CADPS2: variants seen among roughly 807,000 people sequenced by gnomAD.
CADPS2 encodes calcium-dependent secretion activator 2.
In CADPS2, 93 loss-of-function variants were observed where a neutral mutation model predicts 172.5. The observed-to-expected ratio is 0.54, with a 90% CI of 0.46 to 0.64. The LOEUF is 0.64. CADPS2 is among the 30% of genes least tolerant of loss of function. The pLI, the probability that CADPS2 is intolerant of heterozygous loss-of-function variation, is 0.00. For synonymous variants in CADPS2, 546 were observed against 555.2 expected (o/e 0.98, Z 0.23); for missense variants, 1,420 against 1,565.9 (o/e 0.91, Z 1.57).
At chr7:122,829,768 T>A (rs1440887027) in intron 1 of CADPS2, among the ~76,000 whole-genome samples, 1 of 151,908 alleles carries the variant, frequency 6.6e-6, no homozygotes, top group African/African-American at 2.4e-5. Flanking sequence ...CTCTATGTTA[T>A]AATATTTATT....
chr7:122,439,598 CTT>C (rs2051091439), intron 16 of CADPS2, among the ~76,000 whole-genome samples: 1 of 152,106 alleles, frequency 6.6e-6, no homozygotes, highest in Non-Finnish European at 1.5e-5. Flanking sequence ...AAAGGCTACT[CTT>C]TGATGACATT....
chr7:122,416,016 A>G (rs2047863133), intron 18 of CADPS2, 45 bp downstream of exon 18: 2 of 1,228,450 alleles, frequency 1.6e-6, no homozygotes, highest in Non-Finnish European at 2.3e-6. Context: ...AACCATGGTG[A>G]AGCCTTACAT....
At chr7:122,463,937 A>C (rs780197989) in intron 14 of CADPS2, among the ~76,000 whole-genome samples, 14 of 152,218 alleles carry the variant, frequency 9.2e-5, no homozygotes, top group Non-Finnish European at 1.6e-4. Context: ...TGGAGACGTC[A>C]GTATGAACTC....
intron 2 of CADPS2, among the ~76,000 whole-genome samples, chr7:122,673,152 TA>T (rs2082035440): frequency 1.3e-5 from 2 of 152,186 alleles, no homozygotes; most frequent in Admixed American, 1.3e-4. Flanking sequence ...TTACAGCTCT[TA>T]AAGGCGGTGC....
At chr7:122,533,515 AAAG>A (rs2061963860) in intron 8 of CADPS2, among the ~76,000 whole-genome samples, 3 of 152,200 alleles carry the variant, frequency 2.0e-5, no homozygotes, top group Admixed American at 2.0e-4. Flanking sequence ...ACAGAAATTC[AAAG>A]AATAGAAGCA....
At position 122,621,595 on chromosome 7, in the gene CADPS2, C is replaced by T. The variant is rs771502515; in HGVS notation, c.990G>A (p.Pro330=). 11 of 1,613,654 alleles carry T rather than the reference C, an allele frequency of 6.8e-6. No individual in the cohort carries two copies. The highest frequency in any genetic ancestry group is 2.2e-5 in the East Asian group (1 of 44,864). The change falls in exon 5 of 30, where the codon CCG becomes CCA. Residue 330 remains proline (P), a synonymous_variant. Coordinates refer to ENST00000449022, the MANE Select transcript of CADPS2 (RefSeq NM_017954.11). The part of the protein sequence containing the change: ...LESLPVSKGG[P]EFKLQKLKRS... ...GTTTTAATTTTTGTAATTTAAATTC[C>T]GGACCACCTTTCGAAACTGGAAGAC...
intron 2 of CADPS2, among the ~76,000 whole-genome samples, chr7:122,693,773 T>A (rs897996319): frequency 1.3e-5 from 2 of 152,032 alleles, no homozygotes; most frequent in Admixed American, 1.3e-4. Context: ...CTGGGCAACA[T>A]GGCAAAACCC....
At chr7:122,559,839 C>A (rs1264232778) in intron 7 of CADPS2, among the ~76,000 whole-genome samples, 1 of 150,950 alleles carries the variant, frequency 6.6e-6, no homozygotes, top group Non-Finnish European at 1.5e-5. Flanking sequence ...CTGGGCACCA[C>A]CTTTCTAGAG....
chr7:122,335,948 G>T (rs955797392), intron 28 of CADPS2, among the ~76,000 whole-genome samples: 68 of 152,294 alleles, frequency 4.5e-4, no homozygotes, highest in African/African-American at 1.6e-3. Flanking sequence ...TCAGCATGAA[G>T]AATGTAGGTG....
chr7:122,491,100 G>T (rs528827088), intron 10 of CADPS2, among the ~76,000 whole-genome samples: 105 of 151,988 alleles, frequency 6.9e-4, no homozygotes, highest in Middle Eastern at 3.4e-3. Flanking sequence ...TCAATCCTGC[G>T]CTAAAATAAT....
chr7:122,773,630 TTTTA>T (rs1236984533), intron 1 of CADPS2, among the ~76,000 whole-genome samples: 2 of 147,882 alleles, frequency 1.4e-5, no homozygotes, highest in South Asian at 2.1e-4. Context: ...TACAAACTAT[TTTTA>T]TTTGTTTACA....
intron 25 of CADPS2, among the ~76,000 whole-genome samples, chr7:122,376,952 A>G (rs940819349): frequency 6.6e-5 from 10 of 152,132 alleles, no homozygotes; most frequent in African/African-American, 2.4e-4. Flanking sequence ...TTTTTAAAAA[A>G]CATCAATTAT....
chr7:122,591,859 T>C (rs939696659), intron 6 of CADPS2, among the ~76,000 whole-genome samples: 8 of 152,132 alleles, frequency 5.3e-5, no homozygotes, highest in Admixed American at 5.2e-4. Context: ...AAGACTCAAA[T>C]GTCAGACCTA....
At chr7:122,428,349 G>C (rs1293686282) in intron 17 of CADPS2, among the ~76,000 whole-genome samples, 1 of 151,824 alleles carries the variant, frequency 6.6e-6, no homozygotes, top group Non-Finnish European at 1.5e-5. Flanking sequence ...AAAAGAAAAA[G>C]CCAGTATCAT....
At chr7:122,479,748 AAAAG>A (rs899112334) in intron 12 of CADPS2, among the ~76,000 whole-genome samples, 1 of 152,244 alleles carries the variant, frequency 6.6e-6, no homozygotes, top group Non-Finnish European at 1.5e-5. Context: ...TGTTCAATGT[AAAAG>A]AAAGACAAAT....
intron 13 of CADPS2, among the ~76,000 whole-genome samples, chr7:122,473,059 G>A (rs183911138): frequency 1.7e-4 from 26 of 152,240 alleles, no homozygotes; most frequent in African/African-American, 6.0e-4. Flanking sequence ...TTTAAATCAA[G>A]TTTAGCCTAA....
intron 9 of CADPS2, among the ~76,000 whole-genome samples, chr7:122,491,675 A>G (rs1054059710): frequency 1.3e-5 from 2 of 152,138 alleles, no homozygotes; most frequent in Non-Finnish European, 2.9e-5. Flanking sequence ...AAGCTTCTAT[A>G]TTAATAGAAG....
chr7:122,581,549 AG>A (rs1469658901), intron 6 of CADPS2, among the ~76,000 whole-genome samples: 4 of 152,156 alleles, frequency 2.6e-5, no homozygotes, highest in Non-Finnish European at 4.4e-5. Flanking sequence ...ATTTAGGTTA[AG>A]GTAAAGCAAT....
chr7:122,609,957 A>G (rs930804818), intron 6 of CADPS2, among the ~76,000 whole-genome samples: 18 of 152,190 alleles, frequency 1.2e-4, no homozygotes, highest in African/African-American at 4.1e-4. Flanking sequence ...ACACTGTGAC[A>G]CTGCTAAAAA....
Sources: allele counts gnomAD v4.1 joint callset (sites outside exome capture counted in the v4.1 genomes callset), GRCh38; gene constraint gnomAD v4.1.1; transcripts MANE v1.5; gene names NCBI Gene and HGNC (gene_info 2026-07-23, HGNC 2026-07-21).